The following CACNA2D1 variants were observed in gnomAD, a reference collection of about 807,000 sequenced individuals.
CACNA2D1 encodes the protein calcium voltage-gated channel auxiliary subunit alpha2delta 1.
In CACNA2D1, 53 loss-of-function variants were observed where a neutral mutation model predicts 171.5. The observed-to-expected ratio is 0.31, with a 90% CI of 0.25 to 0.39. The LOEUF is 0.39. Among genes scored for constraint, CACNA2D1 ranks in the 10% least tolerant of loss-of-function variants. CACNA2D1 has a pLI of 1.00. For synonymous variants in CACNA2D1, 442 were observed against 443.1 expected, an observed-to-expected ratio of 1.00 and a Z score of 0.03; for missense variants, 903 against 1,299.8, an observed-to-expected ratio of 0.69 and a Z score of 4.69.
chr7:81,994,860 A>G lies in CACNA2D1; in HGVS notation c.1734+8T>C, dbSNP rs1008923000. On this transcript the variant is annotated splice_region_variant and intron_variant, in intron 20 of 38. Transcript: ENST00000356860. ...TTTATTTAAGAATAAGCTAGAATCAATTCTTACCTCATCTTGAGATTTAAC... is the reference window on the plus strand; with the variant it reads ...TTTATTTAAGAATAAGCTAGAATCAGTTCTTACCTCATCTTGAGATTTAAC... 27 of 1,333,976 alleles carry G rather than the reference A, an allele frequency of 2.0e-5. No individual in the cohort carries two copies. The highest frequency in any genetic ancestry group is 2.8e-5 in the Non-Finnish European group (26 of 925,120). 82.6% of individuals were successfully genotyped at this position (1,333,976 alleles called of 1,614,324 possible). A position where few individuals can be genotyped will look rare whatever the true frequency, so the allele number is the denominator to read the frequency against.
intron 6 of CACNA2D1, among the ~76,000 whole-genome samples, chr7:82,113,540 C>T (rs1268519706): frequency 6.6e-6 from 1 of 152,114 alleles, no homozygotes; most frequent in Non-Finnish European, 1.5e-5. Context: ...CAGAAATAAT[C>T]ACATTTCAAT....
chr7:82,171,512 G>A (rs1039650809), intron 3 of CACNA2D1, among the ~76,000 whole-genome samples: 2 of 152,082 alleles, frequency 1.3e-5, no homozygotes, highest in Non-Finnish European at 2.9e-5. Context: ...GAAAAGTTAA[G>A]ACTCTTCTCC....
chr7:82,339,881 A>G (rs1397747236), intron 2 of CACNA2D1, among the ~76,000 whole-genome samples: 1 of 152,226 alleles, frequency 6.6e-6, no homozygotes, highest in Admixed American at 6.5e-5. Context: ...AATTAAATTT[A>G]CTAATCAGCT....
intron 3 of CACNA2D1, among the ~76,000 whole-genome samples, chr7:82,233,226 C>A (rs1489003031): frequency 6.6e-6 from 1 of 152,134 alleles, no homozygotes; most frequent in Admixed American, 6.5e-5. Context: ...TTATTTTATT[C>A]TTGACATATT....
intron 1 of CACNA2D1, among the ~76,000 whole-genome samples, chr7:82,393,781 C>T (rs879374395): frequency 1.2e-4 from 19 of 152,104 alleles, no homozygotes; most frequent in East Asian, 5.8e-4. Context: ...TCCTAATATT[C>T]GAAAATTTAA....
chr7:82,214,790 G>C (rs1175515777), intron 3 of CACNA2D1, among the ~76,000 whole-genome samples: 1 of 152,092 alleles, frequency 6.6e-6, no homozygotes, highest in Admixed American at 6.6e-5. Context: ...TTCATTTCCT[G>C]ATAAGTCTTG....
chr7:82,273,401 C>T (rs892820091), intron 3 of CACNA2D1, among the ~76,000 whole-genome samples: 1 of 151,634 alleles, frequency 6.6e-6, no homozygotes, highest in African/African-American at 2.4e-5. Context: ...CTGGCATATA[C>T]ATACGATGTT....
chr7:82,147,308 A>G (rs10244958), intron 4 of CACNA2D1, among the ~76,000 whole-genome samples: 28,729 of 151,954 alleles, frequency 0.19, 3,141 homozygotes, highest in African/African-American at 0.31. Context: ...CCTGTAAGCT[A>G]TTTTGGTGTT....
intron 1 of CACNA2D1, among the ~76,000 whole-genome samples, chr7:82,406,970 C>T (rs954033111): frequency 1.9e-4 from 29 of 151,988 alleles, no homozygotes; most frequent in African/African-American, 7.0e-4. Flanking sequence ...ATGATAGGTC[C>T]ACATATATAA....
In CACNA2D1 at chr7:82,069,478, T is replaced by C. The variant is rs1808057535; in HGVS notation, c.659-2954A>G. Among the ~76,000 whole-genome samples the C allele has an allele frequency of 3.3e-5, 5 of 152,306 alleles. No individual in the cohort carries two copies. The South Asian group carries it at 1.0e-3, about 32-fold the overall frequency. On this transcript the variant is annotated intron_variant, in intron 7 of 38. Transcript: ENST00000356860. ...AATGATTTACAGGAATGTTTTCCCC[T>C]GATCAAAAATGAACTGTTAGTGTGT...
chr7:82,070,671 A>G (rs554885688), intron 7 of CACNA2D1, among the ~76,000 whole-genome samples: 53 of 152,258 alleles, frequency 3.5e-4, no homozygotes, highest in African/African-American at 1.2e-3. Flanking sequence ...CTCATTCTCT[A>G]TTGGTATGAA....
chr7:82,234,788 T>C (rs564603854), intron 3 of CACNA2D1, among the ~76,000 whole-genome samples: 2 of 152,264 alleles, frequency 1.3e-5, no homozygotes, highest in East Asian at 1.9e-4. Flanking sequence ...AAAATGAATA[T>C]GAAACACATG....
chr7:82,258,872 T>C (rs1585245718), intron 3 of CACNA2D1, among the ~76,000 whole-genome samples: 2 of 133,616 alleles, frequency 1.5e-5, no homozygotes, highest in South Asian at 5.1e-4. Flanking sequence ...CAGGCTGGAG[T>C]GAAGTGGCAC....
intron 1 of CACNA2D1, among the ~76,000 whole-genome samples, chr7:82,436,070 A>G (rs1304080511): frequency 2.6e-5 from 4 of 152,156 alleles, no homozygotes; most frequent in African/African-American, 9.7e-5. Flanking sequence ...TGTTTTCCTT[A>G]GGGACTCTCT....
intron 12 of CACNA2D1, among the ~76,000 whole-genome samples, chr7:82,026,575 C>T (rs916384463): frequency 1.3e-5 from 2 of 151,660 alleles, no homozygotes; most frequent in African/African-American, 4.8e-5. Flanking sequence ...TATTATGTAA[C>T]ATTAATTTTG....
intron 7 of CACNA2D1, among the ~76,000 whole-genome samples, chr7:82,072,153 A>T (rs1808388962): frequency 6.6e-6 from 1 of 152,142 alleles, no homozygotes; most frequent in Admixed American, 6.5e-5. Flanking sequence ...ACATGGGTCA[A>T]GCATTAAAGC....
intron 3 of CACNA2D1, among the ~76,000 whole-genome samples, chr7:82,223,152 C>A (rs1385391874): frequency 6.6e-6 from 1 of 152,038 alleles, no homozygotes; most frequent in Non-Finnish European, 1.5e-5. Flanking sequence ...GTGATTCACC[C>A]ACCTTAGCCT....
chr7:82,265,241 G>C (rs754805563), intron 3 of CACNA2D1, among the ~76,000 whole-genome samples: 1 of 152,122 alleles, frequency 6.6e-6, no homozygotes, highest in Non-Finnish European at 1.5e-5. Context: ...CCACAGTTGA[G>C]CATCTGCTCA....
intron 3 of CACNA2D1, among the ~76,000 whole-genome samples, chr7:82,292,368 T>C (rs185691212): frequency 2.0e-5 from 3 of 152,364 alleles, no homozygotes; most frequent in Admixed American, 2.0e-4. Context: ...ATTGCCTTGC[T>C]TCTTCGTTTC....
Sources: allele counts gnomAD v4.1 joint callset (sites outside exome capture counted in the v4.1 genomes callset), GRCh38; gene constraint gnomAD v4.1.1; transcripts MANE v1.5; gene names NCBI Gene and HGNC (gene_info 2026-07-23, HGNC 2026-07-21).